Variants in SAMD5 observed in about 807,000 individuals in gnomAD.
SAMD5 encodes sterile alpha motif domain-containing protein 5.
SAMD5 carries 13 observed loss-of-function variants against 11.3 expected under a neutral mutation model. The ratio of observed to expected loss-of-function variants is 1.15; its 90% CI spans 0.75 to 1.83. The LOEUF (loss-of-function observed/expected upper bound fraction) is 1.83. SAMD5 is among the 40% of genes most tolerant of loss of function. The pLI, the probability that SAMD5 is intolerant of heterozygous loss-of-function variation, is 0.00. For synonymous variants in SAMD5, 129 were observed against 111.3 expected (o/e 1.16, Z -1.00); for missense variants, 255 against 239.1 (o/e 1.07, Z -0.44).
chr6:147,909,616 C>CT, the SAMD5 span, among the ~76,000 whole-genome samples: 1 of 70,042 alleles, frequency 1.4e-5, no homozygotes, highest in African/African-American at 8.3e-5. Context: ...TTCTTTCTTT[C>CT]TTTCTTTCTT....
chr6:147,687,996 T>C (rs1484964939), intron 1 of SAMD5, among the ~76,000 whole-genome samples: 1 of 152,238 alleles, frequency 6.6e-6, no homozygotes, highest in East Asian at 1.9e-4. Flanking sequence ...ATATATTGTA[T>C]ATGTTTCTTC....
At chr6:147,824,532 C>T in the SAMD5 span, among the ~76,000 whole-genome samples, 1 of 152,160 alleles carries the variant, frequency 6.6e-6, no homozygotes, top group South Asian at 2.1e-4. Flanking sequence ...GTGCTCAGCT[C>T]TCCCAGTGCA....
At chr6:147,613,235 C>T (rs1020818398) in intron 1 of SAMD5, among the ~76,000 whole-genome samples, 2 of 152,016 alleles carry the variant, frequency 1.3e-5, no homozygotes, top group South Asian at 2.1e-4. Flanking sequence ...CCTTCCTGCA[C>T]CCCCTAGAGC....
At chr6:147,607,258 C>A (rs1268795862) in intron 1 of SAMD5, among the ~76,000 whole-genome samples, 1 of 152,042 alleles carries the variant, frequency 6.6e-6, no homozygotes, top group African/African-American at 2.4e-5. Context: ...TCCATACTAC[C>A]CAATACAATC....
chr6:147,838,653 G>A, the SAMD5 span, among the ~76,000 whole-genome samples: 1 of 151,696 alleles, frequency 6.6e-6, no homozygotes, highest in Non-Finnish European at 1.5e-5. Flanking sequence ...GAAGGAGTGA[G>A]ACCACCTTGG....
At chr6:147,737,841 A>G (rs948415169), downstream of SAMD5, among the ~76,000 whole-genome samples, 4 of 152,076 alleles carry the variant, frequency 2.6e-5, no homozygotes, top group South Asian at 8.3e-4. Flanking sequence ...GTATATACTT[A>G]TGTTTTCTGC....
chr6:147,780,416 C>T, the SAMD5 span, among the ~76,000 whole-genome samples: 1 of 152,128 alleles, frequency 6.6e-6, no homozygotes, highest in Non-Finnish European at 1.5e-5. Context: ...CCATGTTGAC[C>T]AGGCTGGTCT....
Position 147,565,429 on chromosome 6 carries a change from T to A in SAMD5, c.*973T>A, listed in dbSNP as rs577352271. The A allele has an allele frequency of 3.9e-5, 38 of 984,958 alleles. No individual in the cohort carries two copies. In the South Asian group the frequency reaches 1.6e-3, roughly 40 times the overall value. 61.0% of individuals were successfully genotyped at this position (984,958 alleles called of 1,614,324 possible). A position where few individuals can be genotyped will look rare whatever the true frequency, so the allele number is the denominator to read the frequency against. ...AGGAATCTAGAGTTTTTCTAATTCTTATCGTCTTATCGTTCTTGTGTTTGG... is the reference window on the plus strand; with the variant it reads ...AGGAATCTAGAGTTTTTCTAATTCTAATCGTCTTATCGTTCTTGTGTTTGG... On this transcript the variant is annotated 3_prime_UTR_variant, in exon 2 of 2. Coordinates refer to ENST00000367474, the MANE Select transcript of SAMD5 (RefSeq NM_001030060.3).
At chr6:147,760,114 A>G in the SAMD5 span, among the ~76,000 whole-genome samples, 1 of 152,178 alleles carries the variant, frequency 6.6e-6, no homozygotes, top group Admixed American at 6.5e-5. Context: ...GTGGAACTAC[A>G]TAGATGAATG....
chr6:147,552,362 G>A (rs1788788519), intron 1 of SAMD5, among the ~76,000 whole-genome samples: 1 of 151,988 alleles, frequency 6.6e-6, no homozygotes, highest in South Asian at 2.1e-4. Flanking sequence ...TGGGATTCTG[G>A]GGTTCACCTT....
the SAMD5 span, among the ~76,000 whole-genome samples, chr6:147,784,268 CTT>C: frequency 7.1e-3 from 1,084 of 152,088 alleles, 14 homozygotes; most frequent in African/African-American, 0.025. Context: ...TGGATGGTAT[CTT>C]TGTACATAAT....
the SAMD5 span, among the ~76,000 whole-genome samples, chr6:147,791,138 T>C: frequency 6.6e-6 from 1 of 151,630 alleles, no homozygotes; most frequent in Admixed American, 6.6e-5. Context: ...CTACTAAAAA[T>C]ACAAAAATTA....
intron 1 of SAMD5, among the ~76,000 whole-genome samples, chr6:147,642,975 C>T (rs986398816): frequency 3.3e-5 from 5 of 152,102 alleles, no homozygotes; most frequent in Non-Finnish European, 5.9e-5. Flanking sequence ...CCTAATTCTG[C>T]GAAAATAACT....
At chr6:147,539,638 A>G (rs954370618) in intron 1 of SAMD5, among the ~76,000 whole-genome samples, 2 of 151,822 alleles carry the variant, frequency 1.3e-5, no homozygotes, top group Admixed American at 6.6e-5. Context: ...GTTTTTCCCA[A>G]TGAGTTCCAG....
downstream of SAMD5, among the ~76,000 whole-genome samples, chr6:147,739,309 T>A (rs1275851864): frequency 6.6e-6 from 1 of 152,214 alleles, no homozygotes; most frequent in Non-Finnish European, 1.5e-5. Context: ...ATAGTATCAA[T>A]TTTTGGCCAA....
At chr6:147,862,620 A>G in the SAMD5 span, among the ~76,000 whole-genome samples, 1 of 152,172 alleles carries the variant, frequency 6.6e-6, no homozygotes, top group Non-Finnish European at 1.5e-5. Context: ...GTTATTTACA[A>G]CTTATTTCCT....
At chr6:147,589,127 A>T (rs927449938) in intron 1 of SAMD5, among the ~76,000 whole-genome samples, 2 of 151,910 alleles carry the variant, frequency 1.3e-5, no homozygotes, top group African/African-American at 4.8e-5. Context: ...GCCAATTTTT[A>T]AAAATTGTTC....
intron 1 of SAMD5, among the ~76,000 whole-genome samples, chr6:147,602,088 G>C (rs1280780847): frequency 6.6e-6 from 1 of 152,180 alleles, no homozygotes; most frequent in East Asian, 1.9e-4. Context: ...TACTTTGTAA[G>C]AGACACAAAT....
the SAMD5 span, among the ~76,000 whole-genome samples, chr6:147,883,884 A>G: frequency 6.6e-6 from 1 of 152,154 alleles, no homozygotes; most frequent in South Asian, 2.1e-4. Flanking sequence ...ACTTCTTTTT[A>G]TCTTATTAAA....
Sources: allele counts gnomAD v4.1 joint callset (sites outside exome capture counted in the v4.1 genomes callset), GRCh38; gene constraint gnomAD v4.1.1; transcripts MANE v1.5; gene names NCBI Gene and HGNC (gene_info 2026-07-23, HGNC 2026-07-21).